Variants in NAT10 observed in about 807,000 individuals in gnomAD.
The protein encoded by NAT10 is RNA cytidine acetyltransferase.
Under a neutral mutation model 132.2 loss-of-function variants are expected in NAT10, and 109 were observed. The ratio of observed to expected loss-of-function variants is 0.82; its 90% CI spans 0.71 to 0.97. The LOEUF is 0.97. Ranked by LOEUF, NAT10 falls within the 50% of genes least tolerant of loss-of-function variation. The probability of loss-of-function intolerance (pLI) is 0.00; values close to 1 mark genes in which losing one functional copy is unlikely to be tolerated. For synonymous variants in NAT10, 479 were observed against 478.0 expected, an observed-to-expected ratio of 1.00 and a Z score of -0.03; for missense variants, 1,184 against 1,263.4, an observed-to-expected ratio of 0.94 and a Z score of 0.95.
chr11:34,108,202 CT>C lies in NAT10; in HGVS notation c.-15-8del, dbSNP rs749194156. ...TGCGCATGGCCAGTTGTATTTCTTT[CT>C]CTTTTAGTAATAATTTTTCACCATG... On this transcript the variant is annotated splice_polypyrimidine_tract_variant and splice_region_variant and intron_variant, in intron 1 of 28. Transcript: ENST00000257829. 16 of 1,588,178 alleles carry C rather than the reference CT, an allele frequency of 1.0e-5. No individual in the cohort carries two copies. Among genetic ancestry groups the C allele is most frequent in the Non-Finnish European group, 1.4e-5 (16 of 1,156,660 alleles).
At chr11:34,145,986 G>T (rs1326176119) in intron 28 of NAT10, 98 bp from the exon 29 acceptor site, 2 of 851,780 alleles carry the variant, frequency 2.3e-6, no homozygotes, top group Non-Finnish European at 3.6e-6. Flanking sequence ...GTTTCAGACG[G>T]TGGAAACCCT....
At chr11:34,134,737 G>T in intron 18 of NAT10, 151 bp downstream of exon 18, 2 of 712,178 alleles carry the variant, frequency 2.8e-6, no homozygotes, top group East Asian at 2.6e-5. Flanking sequence ...GGTTCGGGGT[G>T]GGTGGGTGGA....
intron 3 of NAT10, among the ~76,000 whole-genome samples, chr11:34,110,327 G>A (rs921068948): frequency 6.6e-6 from 1 of 151,498 alleles, no homozygotes; most frequent in Non-Finnish European, 1.5e-5. Flanking sequence ...TGCTCATGCT[G>A]TCTCCTCTGC....
intron 21 of NAT10, 34 bp downstream of exon 21, chr11:34,137,060 GT>G (rs1382726513): frequency 5.0e-6 from 8 of 1,612,864 alleles, no homozygotes; most frequent in Non-Finnish European, 6.8e-6. Context: ...AGAAGTTTAG[GT>G]TTACCGTTAT....
At chr11:34,140,250 G>C (rs1352627496) in intron 23 of NAT10, 150 bp from the exon 24 acceptor site, 28 of 721,300 alleles carry the variant, frequency 3.9e-5, no homozygotes, top group Admixed American at 1.1e-4. Context: ...GCAGGAGCAG[G>C]TTTGGTGCCC....
At chr11:34,122,710 G>C in intron 9 of NAT10, 118 bp downstream of exon 9, 1 of 1,346,802 alleles carries the variant, frequency 7.4e-7, no homozygotes, top group Non-Finnish European at 1.0e-6. Flanking sequence ...AGTGGGTTCA[G>C]TGTGTGATTT....
At chr11:34,118,596 G>T in intron 8 of NAT10, 93 bp downstream of exon 8, 1 of 947,870 alleles carries the variant, frequency 1.1e-6, no homozygotes. Flanking sequence ...TCAAGACCCA[G>T]ACCCTCCCTG....
chr11:34,132,074 G>T, intron 14 of NAT10, 51 bp from the exon 15 acceptor site: 1 of 1,355,144 alleles, frequency 7.4e-7, no homozygotes, highest in South Asian at 1.2e-5. Context: ...AGAGTAGTAT[G>T]ACCTGTCTTC....
rs151054334 is a variant in NAT10, at chr11:34,123,806, A to C, written c.959A>C (p.His320Pro). The C allele has an allele frequency of 4.0e-5, 65 of 1,611,608 alleles. No homozygotes were observed. Among genetic ancestry groups the C allele is most frequent in the Admixed American group, 6.7e-5 (4 of 59,988 alleles). The change falls in exon 10 of 29, where the codon CAT becomes CCT. Residue 320 changes from histidine (H) to proline (P), a missense_variant. Physicochemically the swap from His to Pro is moderately conservative, Grantham distance 77 (BLOSUM62 -2). Transcript: ENST00000257829. Reference sequence around the variant, plus strand: ...ACCTCCCCAAGCCCTGATAACCTCCATACTCTGTTTGAATTTGTATTTAAA... The same window carrying C: ...ACCTCCCCAAGCCCTGATAACCTCCCTACTCTGTTTGAATTTGTATTTAAA... ...FVTSPSPDNL[H>P]TLFEFVFKGF...
chr11:34,108,388 C>A, intron 2 of NAT10, 55 bp downstream of exon 2: 1 of 1,389,592 alleles, frequency 7.2e-7, no homozygotes, highest in Non-Finnish European at 1.0e-6. Flanking sequence ...AAAGAATCAG[C>A]ATGTTTAAGC....
chr11:34,138,085 T>C (rs1267288411), intron 21 of NAT10, among the ~76,000 whole-genome samples: 1 of 152,102 alleles, frequency 6.6e-6, no homozygotes, highest in East Asian at 1.9e-4. Context: ...GATTGTCCGA[T>C]GGGAGATTCT....
intron 8 of NAT10, among the ~76,000 whole-genome samples, chr11:34,119,704 C>T (rs1196050956): frequency 6.6e-6 from 1 of 152,216 alleles, no homozygotes; most frequent in Non-Finnish European, 1.5e-5. Flanking sequence ...ATGTATCCTG[C>T]TGCCTCTTTT....
Position 34,118,491 on chromosome 11 carries a change from G to A in NAT10, c.768G>A (p.Lys256=). The change falls in exon 8 of 29, where the codon AAG becomes AAA. Residue 256 remains lysine, a synonymous_variant. Coordinates refer to ENST00000257829, the MANE Select transcript of NAT10 (RefSeq NM_024662.3). ...QPVGVLVDCC[K]TLDQAKAVLK... The stretch of plus-strand genomic sequence containing the variant: ...TGGGTGTGTTGGTGGACTGCTGTAA[G>A]ACTCTAGACCAGGTGAGTGTGGTGC... 5 of 1,613,682 alleles carry A rather than the reference G, an allele frequency of 3.1e-6. No homozygotes were observed. Among genetic ancestry groups the A allele is most frequent in the Non-Finnish European group, 4.2e-6 (5 of 1,179,792 alleles).
At chr11:34,118,646 T>C in intron 8 of NAT10, 143 bp downstream of exon 8, 1 of 616,572 alleles carries the variant, frequency 1.6e-6, no homozygotes, top group Non-Finnish European at 2.8e-6. Flanking sequence ...TCGTGTGTGC[T>C]CAGCAACAGT....
intron 8 of NAT10, among the ~76,000 whole-genome samples, chr11:34,121,710 A>G (rs1209347222): frequency 2.6e-5 from 4 of 151,714 alleles, no homozygotes; most frequent in Admixed American, 6.6e-5. Flanking sequence ...AAATACAAAA[A>G]TTAGCTGGGC....
At chr11:34,106,521 C>T (rs936512334) in intron 1 of NAT10, among the ~76,000 whole-genome samples, 9 of 152,040 alleles carry the variant, frequency 5.9e-5, no homozygotes, top group Non-Finnish European at 8.8e-5. Context: ...AAGTCAAGGG[C>T]CTTGTGGTAC....
At chr11:34,143,183 G>T (rs1392731679) in intron 27 of NAT10, among the ~76,000 whole-genome samples, 3 of 152,172 alleles carry the variant, frequency 2.0e-5, no homozygotes, top group Non-Finnish European at 4.4e-5. Context: ...TTCTGTGCAG[G>T]ACTGTCCTCA....
chr11:34,145,843 T>C (rs968774328), intron 28 of NAT10, among the ~76,000 whole-genome samples: 1 of 152,148 alleles, frequency 6.6e-6, no homozygotes, highest in African/African-American at 2.4e-5. Flanking sequence ...GATCGAGATT[T>C]GTTCTTCCAC....
intron 6 of NAT10, among the ~76,000 whole-genome samples, chr11:34,116,957 C>T (rs1464339759): frequency 2.0e-5 from 3 of 152,148 alleles, no homozygotes; most frequent in East Asian, 3.9e-4. Flanking sequence ...TGTCGAACTC[C>T]TGACCTCAAG....
Sources: gnomAD v4.1 joint callset for allele counts (sites outside exome capture counted in the v4.1 genomes callset) on GRCh38, gnomAD v4.1.1 for gene constraint, MANE v1.5 for transcripts, NCBI Gene and HGNC (gene_info 2026-07-23, HGNC 2026-07-21) for gene names.